Variants in SPON1 observed in about 807,000 individuals in gnomAD.
The protein encoded by SPON1 is spondin-1.
A neutral mutation model predicts 111.7 loss-of-function variants in SPON1; 52 were observed. That is an observed-to-expected ratio of 0.47 (90% CI 0.37 to 0.59). SPON1 has a LOEUF of 0.59. Ranked by LOEUF, SPON1 falls within the 20% of genes least tolerant of loss-of-function variation. The pLI, the probability that SPON1 is intolerant of heterozygous loss-of-function variation, is 0.00. For synonymous variants in SPON1, 410 were observed against 395.8 expected (o/e 1.04, Z -0.43); for missense variants, 957 against 1,068.5 (o/e 0.90, Z 1.46).
At chr11:14,086,522 T>C (rs1276716525) in intron 5 of SPON1, among the ~76,000 whole-genome samples, 1 of 152,236 alleles carries the variant, frequency 6.6e-6, no homozygotes, top group Non-Finnish European at 1.5e-5. Flanking sequence ...GATAAGCTTT[T>C]TGATGTGCTG....
chr11:13,973,971 A>C (rs1269651606), intron 1 of SPON1, among the ~76,000 whole-genome samples: 5 of 152,194 alleles, frequency 3.3e-5, no homozygotes, highest in Non-Finnish European at 7.3e-5. Context: ...TGGCTGAAGA[A>C]GGCCATCCAG....
rs1849278623 is a variant in SPON1, at chr11:14,267,021, T to C, written c.*1334T>C. 1 of 152,240 alleles carries C rather than the reference T, an allele frequency of 6.6e-6. No homozygotes were observed. Among genetic ancestry groups the C allele is most frequent in the Non-Finnish European group, 1.5e-5 (1 of 68,044 alleles). 9.4% of individuals were successfully genotyped at this position (152,240 alleles called of 1,614,324 possible). A position where few individuals can be genotyped will look rare whatever the true frequency, so the allele number is the denominator to read the frequency against. On this transcript the variant is annotated 3_prime_UTR_variant, in exon 16 of 16. Transcript: ENST00000576479. Reference sequence around the variant, plus strand: ...TGCATTTATTGTTGAAAACTATTGTTTCATTTCTTCTTTTATAGGCCTTAT... The same window carrying C: ...TGCATTTATTGTTGAAAACTATTGTCTCATTTCTTCTTTTATAGGCCTTAT...
chr11:14,237,994 C>T (rs1474448815), intron 6 of SPON1, among the ~76,000 whole-genome samples: 4 of 152,106 alleles, frequency 2.6e-5, no homozygotes, highest in Non-Finnish European at 5.9e-5. Context: ...TCTAGCTCAG[C>T]CAGTTAACTA....
At chr11:14,045,755 G>A (rs950799083) in intron 3 of SPON1, among the ~76,000 whole-genome samples, 1 of 150,990 alleles carries the variant, frequency 6.6e-6, no homozygotes, top group Non-Finnish European at 1.5e-5. Context: ...TTGCTCTTTA[G>A]GTAGTCCAGA....
intron 6 of SPON1, among the ~76,000 whole-genome samples, chr11:14,174,432 C>G (rs1267347527): frequency 6.6e-6 from 1 of 152,118 alleles, no homozygotes; most frequent in East Asian, 1.9e-4. Flanking sequence ...AATTTGATAC[C>G]CCCAAAACTC....
chr11:14,108,142 A>G (rs1849199604), intron 5 of SPON1, among the ~76,000 whole-genome samples: 1 of 152,190 alleles, frequency 6.6e-6, no homozygotes, highest in Admixed American at 6.5e-5. Context: ...ACATCACTGT[A>G]TTGTTGTAGA....
At chr11:14,149,967 A>T (rs941583391) in intron 6 of SPON1, among the ~76,000 whole-genome samples, 7 of 152,094 alleles carry the variant, frequency 4.6e-5, no homozygotes, top group African/African-American at 1.7e-4. Flanking sequence ...CTTGGGAAAG[A>T]CTGACAGAAA....
chr11:14,029,213 T>G (rs1848540835), intron 2 of SPON1, among the ~76,000 whole-genome samples: 1 of 151,984 alleles, frequency 6.6e-6, no homozygotes, highest in South Asian at 2.1e-4. Context: ...CAAACTGGAT[T>G]TAGGTGCAGG....
chr11:14,065,722 A>G (rs1848827415), intron 3 of SPON1, among the ~76,000 whole-genome samples: 1 of 152,238 alleles, frequency 6.6e-6, no homozygotes, highest in Non-Finnish European at 1.5e-5. Context: ...GTGATTCTTA[A>G]GCTTTGTGGG....
intron 6 of SPON1, among the ~76,000 whole-genome samples, chr11:14,187,405 C>G (rs551702633): frequency 6.6e-6 from 1 of 152,188 alleles, no homozygotes; most frequent in South Asian, 2.1e-4. Flanking sequence ...AGGCAGATGA[C>G]AAAGCCTCTT....
intron 6 of SPON1, among the ~76,000 whole-genome samples, chr11:14,161,201 T>TTTTATATATATCTATA (rs1564920113): frequency 3.5e-5 from 1 of 28,660 alleles, no homozygotes; most frequent in African/African-American, 9.4e-5. Context: ...CTATATATAT[T>TTTTATATATATCTATA]TATATATTTA....
chr11:14,030,343 A>T (rs1554915876), intron 2 of SPON1, among the ~76,000 whole-genome samples: 4 of 152,214 alleles, frequency 2.6e-5, no homozygotes, highest in Admixed American at 6.5e-5. Context: ...AACAACTCAC[A>T]TAGCATGGAG....
chr11:14,019,565 G>A (rs188360213), intron 2 of SPON1, among the ~76,000 whole-genome samples: 7 of 152,174 alleles, frequency 4.6e-5, no homozygotes, highest in Admixed American at 2.6e-4. Flanking sequence ...TGATCATTAT[G>A]TATGATCATT....
chr11:14,137,668 G>A lies in SPON1; in HGVS notation c.825+2100G>A, dbSNP rs141727549. ...TATAATCTGCTCCGTGTAAACCTGA[G>A]GCCACTTGTTTGAAACTTGTTGAGA... On this transcript the variant is annotated intron_variant, in intron 6 of 15. Coordinates refer to ENST00000576479, the MANE Select transcript of SPON1 (RefSeq NM_006108.4). Among the ~76,000 whole-genome samples, 1,279 of 152,238 alleles carry A rather than the reference G, an allele frequency of 8.4e-3. 16 individuals are homozygous for A. The highest frequency in any genetic ancestry group is 0.041 in the South Asian group (198 of 4,814).
At chr11:14,172,770 A>T (rs1481490136) in intron 6 of SPON1, among the ~76,000 whole-genome samples, 2 of 151,880 alleles carry the variant, frequency 1.3e-5, no homozygotes, top group African/African-American at 4.8e-5. Flanking sequence ...TTGGCTGGTT[A>T]TGAAATTCTG....
At chr11:13,996,118 A>G (rs936193776) in intron 2 of SPON1, among the ~76,000 whole-genome samples, 1 of 152,058 alleles carries the variant, frequency 6.6e-6, no homozygotes, top group Admixed American at 6.6e-5. Flanking sequence ...ATGTTTTACT[A>G]TATCTTCTTT....
At chr11:14,243,183 C>T (rs1447072353) in intron 6 of SPON1, 149 bp from the exon 7 acceptor site, 2 of 708,996 alleles carry the variant, frequency 2.8e-6, no homozygotes, top group African/African-American at 3.5e-5. Flanking sequence ...AGGGTTCCCC[C>T]ATCCCAGAGA....
At chr11:13,979,510 A>C (rs1430954640) in intron 1 of SPON1, among the ~76,000 whole-genome samples, 1 of 152,208 alleles carries the variant, frequency 6.6e-6, no homozygotes, top group African/African-American at 2.4e-5. Context: ...GTAAGAGAGT[A>C]GGGGAAGCAG....
In SPON1 at chr11:14,162,943, G is replaced by C. The variant is rs1554931533; in HGVS notation, c.825+27375G>C. Among the ~76,000 whole-genome samples, 3 of 152,178 alleles carry C rather than the reference G, an allele frequency of 2.0e-5. No homozygotes were observed. In the South Asian group the frequency reaches 6.2e-4, roughly 32 times the overall value. ...CTGCAAAGAGGTTAAGTGTTGGCTA[G>C]TCAAGAGAGCTTCTGCAATACAGTT... On this transcript the variant is annotated intron_variant, in intron 6 of 15. Coordinates refer to ENST00000576479, the MANE Select transcript of SPON1 (RefSeq NM_006108.4).
Sources: allele counts gnomAD v4.1 joint callset (sites outside exome capture counted in the v4.1 genomes callset), GRCh38; gene constraint gnomAD v4.1.1; transcripts MANE v1.5; gene names NCBI Gene and HGNC (gene_info 2026-07-23, HGNC 2026-07-21).